MARCHF8: variants seen among roughly 807,000 people sequenced by gnomAD.
The protein encoded by MARCHF8 is membrane associated ring-CH-type finger 8.
MARCHF8 carries 40 observed loss-of-function variants against 51.6 expected under a neutral mutation model. That is an observed-to-expected ratio of 0.77 (90% CI 0.60 to 1.01). MARCHF8 has a LOEUF of 1.01. Among genes scored for constraint, MARCHF8 ranks in the 50% least tolerant of loss-of-function variants. The pLI is 0.00. For synonymous variants in MARCHF8, 263 were observed against 280.3 expected (o/e 0.94, Z 0.62); for missense variants, 685 against 708.6 (o/e 0.97, Z 0.38).
At chr10:45,533,045 T>G in intron 2 of MARCHF8, 65 bp downstream of exon 2, 1 of 1,349,372 alleles carries the variant, frequency 7.4e-7, no homozygotes, top group Non-Finnish European at 1.0e-6. Context: ...TAAGCACTGT[T>G]CTAGGTCATC....
At chr10:45,560,711 C>T (rs1205270855) in intron 1 of MARCHF8, among the ~76,000 whole-genome samples, 1 of 152,144 alleles carries the variant, frequency 6.6e-6, no homozygotes. Context: ...CGGGTCGGAC[C>T]CCACATCTGT....
intron 2 of MARCHF8, among the ~76,000 whole-genome samples, chr10:45,490,078 A>C (rs2043055141): frequency 6.6e-6 from 1 of 152,122 alleles, no homozygotes; most frequent in African/African-American, 2.4e-5. Context: ...TTTTATTGAC[A>C]ATGCTTTAGT....
intron 2 of MARCHF8, among the ~76,000 whole-genome samples, chr10:45,525,986 T>C (rs1391701301): frequency 6.6e-6 from 1 of 152,202 alleles, no homozygotes; most frequent in African/African-American, 2.4e-5. Context: ...AAAAGGACAT[T>C]AGTTAAAAAG....
At chr10:45,589,985 C>G (rs892916120) in intron 1 of MARCHF8, among the ~76,000 whole-genome samples, 1 of 152,192 alleles carries the variant, frequency 6.6e-6, no homozygotes, top group East Asian at 1.9e-4. Context: ...TCAAGAACTG[C>G]CAGACTGTTT....
At chr10:45,561,594 G>A (rs544367566) in intron 1 of MARCHF8, among the ~76,000 whole-genome samples, 37 of 150,682 alleles carry the variant, frequency 2.5e-4, no homozygotes, top group Middle Eastern at 3.4e-3. Flanking sequence ...ATTAAATAGC[G>A]AATTATGTAA....
At chr10:45,492,297 CT>C (rs1011617258) in intron 2 of MARCHF8, among the ~76,000 whole-genome samples, 2,368 of 146,718 alleles carry the variant, frequency 0.016, 34 homozygotes, top group African/African-American at 0.036. Context: ...TCTTCTTCTT[CT>C]TTTTTTTTTT....
At chr10:45,458,666 A>C in intron 7 of MARCHF8, 123 bp from the exon 8 acceptor site, 3 of 1,078,122 alleles carry the variant, frequency 2.8e-6, no homozygotes, top group Non-Finnish European at 3.9e-6. Context: ...TAAGAGATGG[A>C]GTCTTGCTAT....
chr10:45,551,317 C>T (rs550510211), intron 1 of MARCHF8, among the ~76,000 whole-genome samples: 4 of 152,258 alleles, frequency 2.6e-5, no homozygotes, highest in African/African-American at 9.6e-5. Flanking sequence ...AATCACAGTG[C>T]AGATTGGGAG....
chr10:45,496,073 C>A (rs1434878794), intron 2 of MARCHF8, among the ~76,000 whole-genome samples: 2 of 151,858 alleles, frequency 1.3e-5, no homozygotes, highest in African/African-American at 2.4e-5. Flanking sequence ...TTATATTCAG[C>A]AAAACTATCT....
intron 6 of MARCHF8, among the ~76,000 whole-genome samples, chr10:45,460,084 C>G (rs148469010): frequency 1.1e-4 from 17 of 152,264 alleles, no homozygotes; most frequent in African/African-American, 3.6e-4. Context: ...TTCTACTGGG[C>G]AAAACATTTT....
intron 2 of MARCHF8, among the ~76,000 whole-genome samples, chr10:45,502,387 G>A (rs567691321): frequency 1.3e-5 from 2 of 152,226 alleles, no homozygotes; most frequent in African/African-American, 4.8e-5. Context: ...GAGAAAGTAC[G>A]GTGCTGGCAA....
chr10:45,454,838 AT>A lies in MARCHF8; in HGVS notation c.*3400del, dbSNP rs1200336334. ...AACAATCAATTTCTATAAACATTGC[AT>A]CTAACTGTGCACTGATCAACTGCAC... On this transcript the variant is annotated 3_prime_UTR_variant, in exon 8 of 8. Coordinates refer to ENST00000453424, the MANE Select transcript of MARCHF8 (RefSeq NM_001282866.2). The A allele has an allele frequency of 6.6e-6, 1 of 152,266 alleles. No homozygotes were observed. Among genetic ancestry groups the A allele is most frequent in the Admixed American group, 6.5e-5 (1 of 15,288 alleles). 9.4% of individuals were successfully genotyped at this position (152,266 alleles called of 1,614,324 possible).
intron 1 of MARCHF8, among the ~76,000 whole-genome samples, chr10:45,576,851 C>T (rs902571660): frequency 6.6e-6 from 1 of 150,472 alleles, no homozygotes; most frequent in Non-Finnish European, 1.5e-5. Context: ...CAGCTACGCA[C>T]GAAGCTAAGG....
chr10:45,530,918 A>C (rs909966437), intron 2 of MARCHF8, among the ~76,000 whole-genome samples: 3 of 152,232 alleles, frequency 2.0e-5, no homozygotes, highest in Admixed American at 1.3e-4. Flanking sequence ...ATATACTAAA[A>C]AAGTTGCATA....
At chr10:45,568,715 CA>C (rs71023130) in intron 1 of MARCHF8, among the ~76,000 whole-genome samples, 25,180 of 74,936 alleles carry the variant, frequency 0.34, 1,804 homozygotes, top group South Asian at 0.38. Context: ...GAGACTGTTT[CA>C]AAAAAAAAAA....
intron 2 of MARCHF8, among the ~76,000 whole-genome samples, chr10:45,530,287 G>A (rs1341744900): frequency 6.6e-6 from 1 of 152,150 alleles, no homozygotes; most frequent in Non-Finnish European, 1.5e-5. Flanking sequence ...AAGGTGGGAG[G>A]ATGGGAGTGG....
At chr10:45,590,649 T>C (rs571051899) in intron 1 of MARCHF8, among the ~76,000 whole-genome samples, 1 of 152,380 alleles carries the variant, frequency 6.6e-6, no homozygotes, top group East Asian at 1.9e-4. Context: ...CATAGCATGA[T>C]GCCATTTATA....
In MARCHF8 at chr10:45,457,463, TAA is replaced by T. The variant is rs1358836772; in HGVS notation, c.*774_*775del. On this transcript the variant is annotated 3_prime_UTR_variant, in exon 8 of 8. Coordinates refer to ENST00000453424, the MANE Select transcript of MARCHF8 (RefSeq NM_001282866.2). ...AGCCTCTGGCCTGCTTGTCCTGTCT[TAA>T]AAGTCATGAGTCTGTTTTATGAACA... 1 of 152,536 alleles carries T rather than the reference TAA, an allele frequency of 6.6e-6. No homozygotes were observed. The highest frequency in any genetic ancestry group is 1.5e-5 in the Non-Finnish European group (1 of 68,040). 9.4% of individuals were successfully genotyped at this position (152,536 alleles called of 1,614,324 possible). A position where few individuals can be genotyped will look rare whatever the true frequency, so the allele number is the denominator to read the frequency against.
Position 45,455,739 on chromosome 10 carries a change from C to T in MARCHF8, c.*2500G>A, listed in dbSNP as rs1049077526. The T allele has an allele frequency of 1.3e-5, 2 of 152,336 alleles. No homozygotes were observed. The highest frequency in any genetic ancestry group is 4.8e-5 in the African/African-American group (2 of 41,432). The allele number at this position is 152,336 out of a possible 1,614,324, so 9.4% of individuals were successfully genotyped here. ...GATGAATCAGGAGCTGAACTAGAAC[C>T]TTCAAGAAAAGAAAAGGCAAGGGGG... is the stretch of plus-strand genomic sequence containing the variant. On this transcript the variant is annotated 3_prime_UTR_variant, in exon 8 of 8. Transcript: ENST00000453424.
Sources: allele counts gnomAD v4.1 joint callset (sites outside exome capture counted in the v4.1 genomes callset), GRCh38; gene constraint gnomAD v4.1.1; transcripts MANE v1.5; gene names NCBI Gene and HGNC (gene_info 2026-07-23, HGNC 2026-07-21).